Variants in EFCAB8 observed in about 807,000 individuals in gnomAD.
The protein encoded by EFCAB8 is EF-hand calcium binding domain 8, also known as EF-hand calcium-binding domain-containing protein 8.
EFCAB8 carries 100 observed loss-of-function variants against 116.3 expected under a neutral mutation model. That is an observed-to-expected ratio of 0.86 (90% CI 0.73 to 1.02). The LOEUF is 1.02. Among genes scored for constraint, EFCAB8 ranks in the 50% least tolerant of loss-of-function variants. The pLI is 0.00. For missense variants in EFCAB8, 1,320 were observed against 1,416.9 expected, an observed-to-expected ratio of 0.93 and a Z score of 1.10; for synonymous variants, 558 against 567.9, an observed-to-expected ratio of 0.98 and a Z score of 0.25.
chr20:32,873,912 C>G (rs1016587629), intron 3 of EFCAB8, among the ~76,000 whole-genome samples: 1 of 151,276 alleles, frequency 6.6e-6, no homozygotes, highest in Non-Finnish European at 1.5e-5. Context: ...TTCTTTTCTT[C>G]GTTTTTATTT....
At chr20:32,952,981 C>T (rs1178670616) in intron 23 of EFCAB8, among the ~76,000 whole-genome samples, 3 of 152,148 alleles carry the variant, frequency 2.0e-5, no homozygotes, top group Non-Finnish European at 4.4e-5. Flanking sequence ...CTCCATTTCC[C>T]GTTACCTCCA....
intron 3 of EFCAB8, among the ~76,000 whole-genome samples, chr20:32,871,877 G>C (rs1984699497): frequency 6.6e-6 from 1 of 152,120 alleles, no homozygotes; most frequent in Non-Finnish European, 1.5e-5. Context: ...TCTTAAAGAG[G>C]AAAGAGTGCC....
intron 1 of EFCAB8, among the ~76,000 whole-genome samples, chr20:32,859,620 A>G (rs1303565198): frequency 1.3e-5 from 2 of 152,250 alleles, no homozygotes; most frequent in African/African-American, 4.8e-5. Flanking sequence ...TAGTTGTAAG[A>G]CTACTACAAA....
At chr20:32,862,136 T>G (rs967098429) in intron 1 of EFCAB8, among the ~76,000 whole-genome samples, 3 of 138,882 alleles carry the variant, frequency 2.2e-5, no homozygotes, top group Admixed American at 6.9e-5. Flanking sequence ...TTTCTTTTCT[T>G]TTTTTTTTTT....
chr20:32,859,433 T>G (rs866132970), intron 1 of EFCAB8, among the ~76,000 whole-genome samples: 2 of 152,168 alleles, frequency 1.3e-5, no homozygotes, highest in African/African-American at 4.8e-5. Context: ...TGTCTTGGCC[T>G]CTCCCCTCTT....
In EFCAB8 at chr20:32,889,407, G is replaced by A. The variant is rs1568911224; in HGVS notation, c.673+1G>A. ...GTTGCGTCTACCAGGCAAAAGATAG[G>A]TGAGTCCCTGGGGGCTTCCCAGCTC... On this transcript the variant is annotated splice_donor_variant, in intron 7 of 26. Coordinates refer to ENST00000400522, the MANE Select transcript of EFCAB8 (RefSeq NM_001143967.2). LOFTEE classifies it high-confidence loss of function. The A allele has an allele frequency of 1.4e-5, 22 of 1,551,634 alleles. No homozygotes were observed. Among genetic ancestry groups the A allele is most frequent in the Non-Finnish European group, 1.8e-5 (21 of 1,146,938 alleles).
intron 23 of EFCAB8, among the ~76,000 whole-genome samples, chr20:32,948,693 C>T (rs374054340): frequency 1.3e-5 from 2 of 152,008 alleles, no homozygotes; most frequent in African/African-American, 4.8e-5. Context: ...ATAGGGTTTA[C>T]CCCAGATATA....
intron 26 of EFCAB8, among the ~76,000 whole-genome samples, chr20:32,960,854 G>A (rs1183567495): frequency 3.3e-5 from 5 of 152,206 alleles, no homozygotes; most frequent in African/African-American, 1.2e-4. Flanking sequence ...GGTCCAGCTC[G>A]AGGCCTCATT....
At chr20:32,892,544 C>T (rs182242626) in intron 8 of EFCAB8, among the ~76,000 whole-genome samples, 1 of 152,340 alleles carries the variant, frequency 6.6e-6, no homozygotes, top group Non-Finnish European at 1.5e-5. Context: ...CCACCAAATC[C>T]CAGCAGAGGC....
chr20:32,907,208 A>G, intron 13 of EFCAB8: 1 of 783,620 alleles, frequency 1.3e-6, no homozygotes, highest in Non-Finnish European at 1.5e-6. Flanking sequence ...TAACTTTGTG[A>G]CCCTGGCAAG....
chr20:32,933,021 T>C (rs1987967792), intron 22 of EFCAB8, among the ~76,000 whole-genome samples: 1 of 152,226 alleles, frequency 6.6e-6, no homozygotes, highest in Non-Finnish European at 1.5e-5. Flanking sequence ...ATAATATTTA[T>C]TTACTGCTTG....
chr20:32,911,686 T>A lies in EFCAB8; in HGVS notation c.1764T>A (p.Phe588Leu). ...NYNIGKCLLT[F>L]PSPEQLEISG... The stretch of plus-strand genomic sequence containing the variant: ...ACATTGGCAAATGCCTGTTGACCTT[T>A]CCCAGTCCGGAACAGCTGGAGGTCA... Residue 588 changes from phenylalanine (F) to leucine (L), a missense_variant, in exon 16 of 27, where the codon TTT becomes TTA. By Grantham distance (22) the Phe-to-Leu change is conservative. Coordinates refer to ENST00000400522, the MANE Select transcript of EFCAB8 (RefSeq NM_001143967.2). 1 of 1,551,730 alleles carries A rather than the reference T, an allele frequency of 6.4e-7. No individual in the cohort carries two copies. The highest frequency in any genetic ancestry group is 2.4e-5 in the East Asian group (1 of 40,926).
At chr20:32,956,555 G>C (rs1403286726) in intron 23 of EFCAB8, among the ~76,000 whole-genome samples, 2 of 151,812 alleles carry the variant, frequency 1.3e-5, no homozygotes, top group Non-Finnish European at 2.9e-5. Flanking sequence ...TATTTTACTG[G>C]GTATAGAATT....
At chr20:32,893,052 G>T (rs934960552) in intron 8 of EFCAB8, 122 bp from the exon 9 acceptor site, 22 of 1,197,726 alleles carry the variant, frequency 1.8e-5, no homozygotes, top group South Asian at 4.3e-5. Context: ...CGTTGGCCAG[G>T]CTGGTCTCGA....
chr20:32,932,136 T>G (rs1987932883), intron 22 of EFCAB8, among the ~76,000 whole-genome samples: 1 of 152,192 alleles, frequency 6.6e-6, no homozygotes. Flanking sequence ...CCCAGCACTT[T>G]GGGAGGCCAA....
At chr20:32,892,831 C>CTT (rs59567336) in intron 8 of EFCAB8, among the ~76,000 whole-genome samples, 98 of 134,122 alleles carry the variant, frequency 7.3e-4, no homozygotes, top group African/African-American at 2.1e-3. Context: ...TCCACAGCCT[C>CTT]TTTTTTTTTT....
At chr20:32,915,075 A>AT (rs1568927489) in intron 17 of EFCAB8, among the ~76,000 whole-genome samples, 6 of 151,928 alleles carry the variant, frequency 3.9e-5, no homozygotes, top group Non-Finnish European at 7.4e-5. Flanking sequence ...TTAAAAAAAA[A>AT]ATTTTTTTAT....
At position 32,961,186 on chromosome 20, in the gene EFCAB8, T is replaced by C. The variant is rs557086808; in HGVS notation, c.3444T>C (p.Thr1148=). The C allele has an allele frequency of 1.4e-5, 21 of 1,552,248 alleles. No homozygotes were observed. The African/African-American group carries it at 2.5e-4, about 18-fold the overall frequency. ...TGCACTTCAGTGATCTGATGCCGAC[T>C]CAGCAGCCTGACTTCCTGACCAGCA... is the stretch of plus-strand genomic sequence containing the variant. The part of the protein sequence containing the change: ...QSLHFSDLMP[T]QQPDFLTSRG... Residue 1148 remains threonine (T), a synonymous_variant, in exon 27 of 27, where the codon ACT becomes ACC. Coordinates refer to ENST00000400522, the MANE Select transcript of EFCAB8 (RefSeq NM_001143967.2).
chr20:32,864,510 A>C (rs1036365389), intron 2 of EFCAB8, among the ~76,000 whole-genome samples: 4 of 152,086 alleles, frequency 2.6e-5, no homozygotes, highest in African/African-American at 9.7e-5. Flanking sequence ...TGAGCCTGGG[A>C]TGTCGAGGCT....
Sources: allele counts gnomAD v4.1 joint callset (sites outside exome capture counted in the v4.1 genomes callset), GRCh38; gene constraint gnomAD v4.1.1; transcripts MANE v1.5; gene names NCBI Gene and HGNC (gene_info 2026-07-23, HGNC 2026-07-21).